The following PIEZO2 variants were observed in gnomAD, a reference collection of about 807,000 sequenced individuals.
PIEZO2 encodes the protein piezo type mechanosensitive ion channel component 2.
In PIEZO2, 172 loss-of-function variants were observed where a neutral mutation model predicts 337.3. The ratio of observed to expected loss-of-function variants is 0.51; its 90% confidence interval spans 0.45 to 0.58. The LOEUF (loss-of-function observed/expected upper bound fraction) is 0.58. PIEZO2 is among the 20% of genes least tolerant of loss of function. The probability of loss-of-function intolerance (pLI) is 0.00; values close to 1 mark genes in which losing one functional copy is unlikely to be tolerated. For synonymous variants in PIEZO2, 1,251 were observed against 1,228.5 expected (o/e 1.02, Z -0.38); for missense variants, 3,028 against 3,391.3 (o/e 0.89, Z 2.66).
chr18:10,766,877 G>A lies in PIEZO2; in HGVS notation c.2946+3271C>T, dbSNP rs1222777460. On this transcript the variant is annotated intron_variant, in intron 21 of 55. Coordinates refer to ENST00000674853, the MANE Select transcript of PIEZO2 (RefSeq NM_001378183.1). This position sits in a 1 kb window ranked among gnomAD's most constrained non-coding sequence, Gnocchi z 6.1. ...ACTTTATTGTGAGTCCTTAATAAAG[G>A]CTCAATGAATGCTTAGTGAGAGTGA... Among the ~76,000 whole-genome samples, 1 of 152,312 alleles carries A rather than the reference G, an allele frequency of 6.6e-6. No individual in the cohort carries two copies. Among genetic ancestry groups the A allele is most frequent in the Non-Finnish European group, 1.5e-5 (1 of 68,030 alleles).
intron 3 of PIEZO2, among the ~76,000 whole-genome samples, chr18:10,930,875 C>T (rs1347413406): frequency 6.6e-6 from 1 of 152,202 alleles, no homozygotes; most frequent in Non-Finnish European, 1.5e-5. Context: ...ACCGATGTCT[C>T]TATAGGTAAC....
chr18:10,841,002 T>C (rs2041173232), intron 7 of PIEZO2, among the ~76,000 whole-genome samples: 1 of 152,194 alleles, frequency 6.6e-6, no homozygotes, highest in African/African-American at 2.4e-5. Flanking sequence ...CTCAATGTGT[T>C]TGCCAGCATC....
Position 10,824,224 on chromosome 18 carries a change from G to A in PIEZO2, c.918-16950C>T, listed in dbSNP as rs970549907. On this transcript the variant is annotated intron_variant, in intron 7 of 55. Transcript: ENST00000674853. This position sits in a 1 kb window ranked among gnomAD's most constrained non-coding sequence, Gnocchi z 4.4. The stretch of plus-strand genomic sequence containing the variant: ...AATCTGGGGCTAGGGAATAATTTAC[G>A]AGAGTAGCAAGAGACAAGTCTCCAT... Among the ~76,000 whole-genome samples the A allele has an allele frequency of 3.3e-5, 5 of 152,120 alleles. No homozygotes were observed. The highest frequency in any genetic ancestry group is 4.8e-5 in the African/African-American group (2 of 41,434).
chr18:11,036,563 TATAA>T (rs1158493657), intron 2 of PIEZO2, among the ~76,000 whole-genome samples: 17 of 151,826 alleles, frequency 1.1e-4, no homozygotes, highest in African/African-American at 4.1e-4. Context: ...TAAAATAAGA[TATAA>T]ATAAAGAAAT....
chr18:10,760,857 T>C, intron 24 of PIEZO2, 54 bp downstream of exon 24: 1 of 1,428,346 alleles, frequency 7.0e-7, no homozygotes, highest in Non-Finnish European at 9.5e-7. Context: ...CCAGAAGCAG[T>C]TCTTTGAATT....
At chr18:10,701,747 C>G in intron 43 of PIEZO2, 1 of 363,152 alleles carries the variant, frequency 2.8e-6, no homozygotes, top group Admixed American at 4.7e-5. Flanking sequence ...AACATTCTCC[C>G]AGATTTATTG....
At position 10,857,144 on chromosome 18, in the gene PIEZO2, C is replaced by A; in HGVS notation, c.560G>T (p.Gly187Val). Residue 187 changes from glycine (G) to valine (V), a missense_variant, in exon 6 of 56, where the codon GGT (glycine) becomes GTT (valine). Physicochemically the swap from Gly to Val is moderately radical, Grantham distance 109 (BLOSUM62 -3). Transcript: ENST00000674853. The stretch of plus-strand genomic sequence containing the variant: ...GCTTTCTTCCAACTCGCCTTCAACA[C>A]CATCTCCTCCATTGAAATCCTCTTC... ...IYEEDFNGGD[G>V]VEGELEESTK... is the part of the protein sequence containing the mutation. 1 of 1,537,898 alleles carries A rather than the reference C, an allele frequency of 6.5e-7. No individual in the cohort carries two copies. The highest frequency in any genetic ancestry group is 8.7e-7 in the Non-Finnish European group (1 of 1,147,034).
intron 7 of PIEZO2, among the ~76,000 whole-genome samples, chr18:10,811,751 A>T (rs2040197243): frequency 6.6e-6 from 1 of 152,268 alleles, no homozygotes; most frequent in Non-Finnish European, 1.5e-5. Context: ...CTGGCTATTA[A>T]CAAACATTTT....
intron 37 of PIEZO2, 86 bp from the exon 38 acceptor site, chr18:10,715,902 G>A: frequency 9.0e-7 from 1 of 1,108,892 alleles, no homozygotes; most frequent in South Asian, 1.6e-5. Flanking sequence ...TTTTACCAAA[G>A]CTGGACCTGG....
chr18:10,921,622 T>A (rs772531775), intron 3 of PIEZO2, among the ~76,000 whole-genome samples: 19 of 152,120 alleles, frequency 1.2e-4, no homozygotes, highest in Non-Finnish European at 2.1e-4. Flanking sequence ...ATATGAAATC[T>A]GGGCACCTTG....
chr18:10,724,898 G>A lies in PIEZO2; in HGVS notation c.5029+6509C>T, dbSNP rs1368282653. 40 of 1,609,292 alleles carry A rather than the reference G, an allele frequency of 2.5e-5. No homozygotes were observed. The highest frequency in any genetic ancestry group is 8.4e-5 in the Admixed American group (5 of 59,800). ...GTAAATAGTACTGGCCGGCGGGGGCGTGGCACCCTGGGACAGCCTCCACCT... is the reference window on the plus strand; with the variant it reads ...GTAAATAGTACTGGCCGGCGGGGGCATGGCACCCTGGGACAGCCTCCACCT... On this transcript the variant is annotated intron_variant, in intron 36 of 55. Coordinates refer to ENST00000674853, the MANE Select transcript of PIEZO2 (RefSeq NM_001378183.1). This position sits in a 1 kb window ranked among gnomAD's most constrained non-coding sequence, Gnocchi z 5.8.
chr18:10,999,439 G>A (rs1232158604), intron 2 of PIEZO2, among the ~76,000 whole-genome samples: 1 of 152,186 alleles, frequency 6.6e-6, no homozygotes, highest in Non-Finnish European at 1.5e-5. Flanking sequence ...GTTTTAGTCT[G>A]TGCTGAACAT....
intron 5 of PIEZO2, among the ~76,000 whole-genome samples, chr18:10,868,619 T>G (rs888606987): frequency 7.9e-5 from 12 of 152,234 alleles, no homozygotes; most frequent in Admixed American, 2.6e-4. Flanking sequence ...GTTTAGAGTA[T>G]CTGTCCATCT....
chr18:10,771,678 G>A (rs115419678), intron 20 of PIEZO2, among the ~76,000 whole-genome samples: 4,271 of 152,288 alleles, frequency 0.028, 199 homozygotes, highest in African/African-American at 0.097. Flanking sequence ...CAAGATTTCA[G>A]TTACCTGCAG....
At chr18:11,115,884 G>C (rs1231737058) in intron 1 of PIEZO2, among the ~76,000 whole-genome samples, 1 of 152,152 alleles carries the variant, frequency 6.6e-6, no homozygotes, top group Admixed American at 6.5e-5. Flanking sequence ...GAATGTTACA[G>C]CCTATGAAGA....
At chr18:11,106,688 A>G (rs759472900) in intron 1 of PIEZO2, among the ~76,000 whole-genome samples, 5 of 152,110 alleles carry the variant, frequency 3.3e-5, no homozygotes, top group Non-Finnish European at 5.9e-5. Flanking sequence ...TCCTGGGATG[A>G]CAGGGGTGAG....
intron 21 of PIEZO2, among the ~76,000 whole-genome samples, chr18:10,763,949 T>C (rs1200995977): frequency 2.0e-5 from 3 of 152,160 alleles, no homozygotes; most frequent in Non-Finnish European, 4.4e-5. Context: ...TTCCCAGGTT[T>C]CCACTTGGGA....
intron 1 of PIEZO2, among the ~76,000 whole-genome samples, chr18:11,074,303 T>G (rs2038451843): frequency 2.0e-5 from 3 of 152,202 alleles, no homozygotes; most frequent in Admixed American, 2.0e-4. Context: ...GAGCTGTACC[T>G]TCATCCTCTG....
intron 49 of PIEZO2, among the ~76,000 whole-genome samples, chr18:10,684,188 C>G (rs1408082123): frequency 2.4e-5 from 2 of 84,232 alleles, no homozygotes; most frequent in Non-Finnish European, 4.1e-5. Context: ...TTTTTTGAGA[C>G]GGAGTCTTGC....
Sources: allele counts gnomAD v4.1 joint callset (sites outside exome capture counted in the v4.1 genomes callset), GRCh38; gene constraint gnomAD v4.1.1; non-coding constraint Gnocchi (gnomAD v3.1); transcripts MANE v1.5; gene names NCBI Gene and HGNC (gene_info 2026-07-23, HGNC 2026-07-21).